The following SOX5 variants were observed in gnomAD, a reference collection of about 807,000 sequenced individuals.
SOX5 encodes transcription factor SOX-5.
A neutral mutation model predicts 92.0 loss-of-function variants in SOX5; 9 were observed. The observed-to-expected ratio is 0.10, with a 90% CI of 0.06 to 0.17. The LOEUF (loss-of-function observed/expected upper bound fraction) is 0.17. Among genes scored for constraint, SOX5 ranks in the 10% least tolerant of loss-of-function variants. SOX5 has a pLI of 1.00. For synonymous variants in SOX5, 344 were observed against 336.3 expected, an observed-to-expected ratio of 1.02 and a Z score of -0.25; for missense variants, 642 against 944.5, an observed-to-expected ratio of 0.68 and a Z score of 4.20.
At chr12:24,554,554 C>T (rs553040883) in intron 1 of SOX5, among the ~76,000 whole-genome samples, 1 of 152,206 alleles carries the variant, frequency 6.6e-6, no homozygotes. Context: ...CTTTTCCTGC[C>T]TCCCATCCTC....
At chr12:23,833,096 T>C (rs1381956496) in intron 3 of SOX5, among the ~76,000 whole-genome samples, 1 of 152,060 alleles carries the variant, frequency 6.6e-6, no homozygotes, top group Non-Finnish European at 1.5e-5. Flanking sequence ...TACAAATACA[T>C]ATATTTTCAT....
intron 1 of SOX5, among the ~76,000 whole-genome samples, chr12:23,912,713 C>T (rs114364690): frequency 4.0e-4 from 61 of 152,220 alleles, no homozygotes; most frequent in East Asian, 1.9e-3. Context: ...GAAAACATTA[C>T]GCCAAGTGAA....
At chr12:23,883,537 A>G (rs1262003362) in intron 2 of SOX5, among the ~76,000 whole-genome samples, 1 of 152,180 alleles carries the variant, frequency 6.6e-6, no homozygotes, top group Non-Finnish European at 1.5e-5. Flanking sequence ...TGAAAATTCT[A>G]TTGTTTAATT....
intron 2 of SOX5, chr12:24,367,915 A>G (rs1956334973): frequency 6.6e-6 from 1 of 152,190 alleles, no homozygotes; most frequent in Non-Finnish European, 1.5e-5. Context: ...AGAATATAAT[A>G]GTTTTTGTTT....
intron 3 of SOX5, among the ~76,000 whole-genome samples, chr12:24,259,115 T>C (rs950208462): frequency 6.6e-5 from 10 of 152,188 alleles, no homozygotes; most frequent in Non-Finnish European, 1.2e-4. Flanking sequence ...AAGTAATGCT[T>C]GTCATAAAAG....
At chr12:23,874,796 A>C (rs1455531192) in intron 2 of SOX5, among the ~76,000 whole-genome samples, 1 of 152,198 alleles carries the variant, frequency 6.6e-6, no homozygotes, top group African/African-American at 2.4e-5. Context: ...GATTAGTCTC[A>C]TAAATCATGA....
chr12:24,190,741 T>C (rs531342369), intron 4 of SOX5, among the ~76,000 whole-genome samples: 51 of 152,228 alleles, frequency 3.4e-4, no homozygotes, highest in Non-Finnish European at 5.4e-4. Flanking sequence ...CAGGAAAAAA[T>C]ACTATGGCAA....
chr12:23,853,340 G>C lies in SOX5; in HGVS notation c.271-7147C>G, dbSNP rs565636675. ...TTTAGTTTAAATTTATTAATAATTA[G>C]ATCTCATTTACAATATGAAAATATT... On this transcript the variant is annotated intron_variant, in intron 2 of 14. Coordinates refer to ENST00000451604, the MANE Select transcript of SOX5 (RefSeq NM_006940.6). Among the ~76,000 whole-genome samples, 3 of 151,356 alleles carry C rather than the reference G, an allele frequency of 2.0e-5. No individual in the cohort carries two copies. The South Asian group carries it at 6.2e-4, about 32-fold the overall frequency.
chr12:24,097,493 GT>G (rs34974362), intron 4 of SOX5, among the ~76,000 whole-genome samples: 63 of 148,392 alleles, frequency 4.2e-4, no homozygotes, highest in African/African-American at 1.0e-3. Context: ...AATTTTACAG[GT>G]TTTTTTTTTA....
At chr12:23,762,727 C>CAG in intron 3 of SOX5, 2 of 425,288 alleles carry the variant, frequency 4.7e-6, no homozygotes, top group Non-Finnish European at 8.3e-6. Context: ...TTTCTTGTTG[C>CAG]ATCAGCTGAA....
intron 2 of SOX5, among the ~76,000 whole-genome samples, chr12:23,874,097 A>G (rs997469288): frequency 3.9e-5 from 6 of 152,214 alleles, no homozygotes; most frequent in Middle Eastern, 3.2e-3. Context: ...AATAAAAAAT[A>G]AGCATGAGAA....
intron 2 of SOX5, among the ~76,000 whole-genome samples, chr12:24,294,329 C>T (rs572066599): frequency 1.3e-5 from 2 of 152,046 alleles, no homozygotes; most frequent in African/African-American, 4.8e-5. Context: ...GGAAATGGCA[C>T]CAGGAAAAGA....
chr12:23,840,142 G>T (rs2096494542), intron 3 of SOX5, among the ~76,000 whole-genome samples: 1 of 152,060 alleles, frequency 6.6e-6, no homozygotes, highest in Non-Finnish European at 1.5e-5. Flanking sequence ...GCCAAAGGAT[G>T]CAAGGGGAAT....
At chr12:24,499,564 T>C (rs1349824377) in intron 1 of SOX5, among the ~76,000 whole-genome samples, 1 of 152,172 alleles carries the variant, frequency 6.6e-6, no homozygotes, top group Admixed American at 6.5e-5. Context: ...GCTAACATTA[T>C]GGAGGGTCTT....
At chr12:23,944,215 C>T (rs2139642558) in intron 1 of SOX5, 1 of 152,162 alleles carries the variant, frequency 6.6e-6, no homozygotes, top group Non-Finnish European at 1.5e-5. Context: ...TTCTCGGCAG[C>T]CCACTGAGCA....
At chr12:24,090,215 T>C (rs1944477711) in intron 4 of SOX5, among the ~76,000 whole-genome samples, 3 of 152,188 alleles carry the variant, frequency 2.0e-5, no homozygotes, top group African/African-American at 7.2e-5. Context: ...GATCTTGAAA[T>C]GAAAAACAAC....
intron 2 of SOX5, among the ~76,000 whole-genome samples, chr12:23,865,987 G>T (rs2096808034): frequency 6.6e-6 from 1 of 152,174 alleles, no homozygotes; most frequent in Non-Finnish European, 1.5e-5. Context: ...TGACTGAATT[G>T]CTACAATCTC....
intron 4 of SOX5, among the ~76,000 whole-genome samples, chr12:24,020,339 C>T (rs866491743): frequency 4.6e-5 from 7 of 152,124 alleles, no homozygotes; most frequent in Non-Finnish European, 8.8e-5. Context: ...GGGTTTCTCT[C>T]CACCCTATTC....
intron 4 of SOX5, among the ~76,000 whole-genome samples, chr12:24,012,357 A>G (rs1953042641): frequency 6.6e-6 from 1 of 152,146 alleles, no homozygotes; most frequent in African/African-American, 2.4e-5. Flanking sequence ...ATTTTTCCAC[A>G]CTGGAAAGAG....
Sources: allele counts gnomAD v4.1 joint callset (sites outside exome capture counted in the v4.1 genomes callset), GRCh38; gene constraint gnomAD v4.1.1; transcripts MANE v1.5; gene names NCBI Gene and HGNC (gene_info 2026-07-23, HGNC 2026-07-21).